SH3RF1: variants seen among roughly 807,000 people sequenced by gnomAD.
The protein encoded by SH3RF1 is E3 ubiquitin-protein ligase SH3RF1.
A neutral mutation model predicts 74.0 loss-of-function variants in SH3RF1; 32 were observed. The observed-to-expected ratio is 0.43, with a 90% CI of 0.33 to 0.58. The LOEUF (loss-of-function observed/expected upper bound fraction) is 0.58. Ranked by LOEUF, SH3RF1 falls within the 20% of genes least tolerant of loss-of-function variation. The probability of loss-of-function intolerance (pLI) is 0.05; values close to 1 mark genes in which losing one functional copy is unlikely to be tolerated. For synonymous variants in SH3RF1, 396 were observed against 439.6 expected (o/e 0.90, Z 1.24); for missense variants, 954 against 1,130.9 (o/e 0.84, Z 2.24).
chr4:169,135,893 A>T (rs1461566642), intron 5 of SH3RF1, among the ~76,000 whole-genome samples: 1 of 152,194 alleles, frequency 6.6e-6, no homozygotes, highest in African/African-American at 2.4e-5. Context: ...GGAAGCCTAC[A>T]TATTAAGGTA....
chr4:169,146,290 C>T (rs1189116900), intron 4 of SH3RF1, among the ~76,000 whole-genome samples: 10 of 146,688 alleles, frequency 6.8e-5, no homozygotes, highest in African/African-American at 1.5e-4. Context: ...AGTGCAGTGG[C>T]GCTATCTCAG....
intron 2 of SH3RF1, among the ~76,000 whole-genome samples, chr4:169,168,944 C>T (rs755025255): frequency 1.3e-5 from 2 of 152,144 alleles, no homozygotes; most frequent in Non-Finnish European, 2.9e-5. Context: ...AATATGAATT[C>T]GCCTACAGAA....
At chr4:169,213,702 C>T (rs1000004472) in intron 2 of SH3RF1, among the ~76,000 whole-genome samples, 5 of 152,188 alleles carry the variant, frequency 3.3e-5, no homozygotes, top group East Asian at 1.9e-4. Flanking sequence ...AAGAGTATAA[C>T]GTCTGTTTCT....
chr4:169,121,935 T>A (rs979524992), intron 7 of SH3RF1, among the ~76,000 whole-genome samples, 165 bp downstream of exon 7: 1 of 152,226 alleles, frequency 6.6e-6, no homozygotes, highest in Admixed American at 6.5e-5. Flanking sequence ...CTTTCAGCAG[T>A]TCCCTAGTTA....
At chr4:169,212,087 A>ATTT (rs1730386905) in intron 2 of SH3RF1, among the ~76,000 whole-genome samples, 1 of 108,702 alleles carries the variant, frequency 9.2e-6, no homozygotes, top group Admixed American at 1.0e-4. Flanking sequence ...TTTTTGAGAC[A>ATTT]GAGTTTTGCT....
At chr4:169,246,211 G>C (rs186625765) in intron 2 of SH3RF1, among the ~76,000 whole-genome samples, 8 of 152,234 alleles carry the variant, frequency 5.3e-5, no homozygotes, top group Admixed American at 4.6e-4. Context: ...CAGAATATTT[G>C]AAATAAGACT....
At chr4:169,142,041 A>G (rs910235092) in intron 4 of SH3RF1, among the ~76,000 whole-genome samples, 5 of 151,678 alleles carry the variant, frequency 3.3e-5, no homozygotes, top group Admixed American at 6.6e-5. Context: ...GATGATCTCA[A>G]TCTCCTGAGC....
At chr4:169,165,301 T>C (rs1389624515) in intron 2 of SH3RF1, among the ~76,000 whole-genome samples, 1 of 152,152 alleles carries the variant, frequency 6.6e-6, no homozygotes, top group Non-Finnish European at 1.5e-5. Flanking sequence ...TTGCATCTTA[T>C]CTAATCCTAC....
chr4:169,164,160 A>G (rs1421137008), intron 2 of SH3RF1, among the ~76,000 whole-genome samples: 3 of 152,038 alleles, frequency 2.0e-5, no homozygotes, highest in Non-Finnish European at 4.4e-5. Context: ...TTTATAACCT[A>G]TTTCTTCCTG....
Position 169,136,521 on chromosome 4 carries a change from C to T in SH3RF1, c.865G>A (p.Ala289Thr). ...TTCTTGGTGTCGGAGTGCTTTGGGGCAGTGCTGCTCTGGGCTGCTGCCGAG... is the reference window on the plus strand; with the variant it reads ...TTCTTGGTGTCGGAGTGCTTTGGGGTAGTGCTGCTCTGGGCTGCTGCCGAG... ...CSSAAAQSST[A>T]PKHSDTKKNT... The change falls in exon 5 of 12, where the codon GCC (alanine) becomes ACC (threonine). Residue 289 changes from alanine (A) to threonine (T), a missense_variant. By Grantham distance (58) the Ala-to-Thr change is moderately conservative (BLOSUM62 0). Around this residue, in one of 3 missense-constraint regions of SH3RF1, gnomAD observed 854 missense variants for 962.5 expected, o/e 0.89. Coordinates refer to ENST00000284637, the MANE Select transcript of SH3RF1 (RefSeq NM_020870.4). 1 of 1,613,404 alleles carries T rather than the reference C, an allele frequency of 6.2e-7. No individual in the cohort carries two copies.
intron 11 of SH3RF1, among the ~76,000 whole-genome samples, chr4:169,101,127 A>G (rs1439900029): frequency 2.6e-5 from 4 of 152,196 alleles, no homozygotes; most frequent in African/African-American, 9.7e-5. Context: ...CCAAACCATA[A>G]GCTGCTTGAA....
chr4:169,216,164 A>C (rs1730459170), intron 2 of SH3RF1, among the ~76,000 whole-genome samples: 1 of 152,176 alleles, frequency 6.6e-6, no homozygotes, highest in African/African-American at 2.4e-5. Flanking sequence ...CAGTAGTTTA[A>C]GGCAGGCAAA....
At chr4:169,268,496 A>C (rs1189099804) in intron 2 of SH3RF1, among the ~76,000 whole-genome samples, 2 of 152,240 alleles carry the variant, frequency 1.3e-5, no homozygotes, top group African/African-American at 4.8e-5. Flanking sequence ...AAAATGATAA[A>C]ATACCAAATT....
At chr4:169,096,735 TAAAA>T in intron 11 of SH3RF1, 48 bp from the exon 12 acceptor site, 1 of 1,554,310 alleles carries the variant, frequency 6.4e-7, no homozygotes, top group Non-Finnish European at 8.7e-7. Flanking sequence ...GCAGTGATTT[TAAAA>T]AATGGTGTAC....
At chr4:169,236,636 C>T (rs1262199600) in intron 2 of SH3RF1, among the ~76,000 whole-genome samples, 1 of 152,154 alleles carries the variant, frequency 6.6e-6, no homozygotes, top group Non-Finnish European at 1.5e-5. Context: ...AGTTAATATA[C>T]ATAAAGTACC....
intron 2 of SH3RF1, among the ~76,000 whole-genome samples, chr4:169,161,073 G>T (rs978772387): frequency 2.6e-5 from 4 of 152,140 alleles, no homozygotes; most frequent in African/African-American, 9.7e-5. Context: ...AGGCCCCCAA[G>T]GATCCACAGA....
At chr4:169,117,258 T>C (rs1561027849) in intron 9 of SH3RF1, among the ~76,000 whole-genome samples, 1 of 152,194 alleles carries the variant, frequency 6.6e-6, no homozygotes, top group South Asian at 2.1e-4. Context: ...ATCTCAACTA[T>C]AGAAGTCAAA....
chr4:169,105,360 G>A (rs1165942885), intron 11 of SH3RF1, among the ~76,000 whole-genome samples: 2 of 152,116 alleles, frequency 1.3e-5, no homozygotes, highest in Non-Finnish European at 1.5e-5. Flanking sequence ...TCATTGTTGA[G>A]TTTAAATAAT....
At chr4:169,199,067 C>T (rs1455490840) in intron 2 of SH3RF1, among the ~76,000 whole-genome samples, 1 of 152,122 alleles carries the variant, frequency 6.6e-6, no homozygotes, top group African/African-American at 2.4e-5. Flanking sequence ...AAAATAGTGG[C>T]AAACCTAAAC....
Sources: allele counts gnomAD v4.1 joint callset (sites outside exome capture counted in the v4.1 genomes callset), GRCh38; gene constraint gnomAD v4.1.1; regional missense constraint gnomAD v4.1.1; transcripts MANE v1.5; gene names NCBI Gene and HGNC (gene_info 2026-07-23, HGNC 2026-07-21).